Variants in PLEC observed in about 807,000 individuals in gnomAD.
PLEC encodes hemidesmosomal protein 1.
Under a neutral mutation model 392.8 loss-of-function variants are expected in PLEC, and 216 were observed. The observed-to-expected ratio is 0.55, with a 90% CI of 0.49 to 0.62. The LOEUF (loss-of-function observed/expected upper bound fraction) is 0.62. Ranked by LOEUF, PLEC falls within the 20% of genes least tolerant of loss-of-function variation. The pLI, the probability that PLEC is intolerant of heterozygous loss-of-function variation, is 0.00. For synonymous variants in PLEC, 3,621 were observed against 2,980.6 expected (o/e 1.21, Z -7.00); for missense variants, 6,863 against 6,563.4 (o/e 1.05, Z -1.58).
In PLEC at chr8:143,916,378, G is replaced by A. The variant is rs201825355; in HGVS notation, c.13443C>T (p.Ser4481=). The A allele has an allele frequency of 2.2e-5, 35 of 1,610,208 alleles. No individual in the cohort carries two copies. Among genetic ancestry groups the A allele is most frequent in the Admixed American group, 1.3e-4 (8 of 59,944 alleles). ...TKGYYSPYSV[S]GSGSTAGSRT... The stretch of plus-strand genomic sequence containing the variant: ...GGGAGCCAGCGGTAGAGCCGGAGCC[G>A]CTGACGCTGTAGGGGCTGTAGTAGC... The change falls in exon 32 of 32, where the codon AGC becomes AGT. Residue 4481 remains serine, a synonymous_variant. Transcript: ENST00000345136.
At chr8:143,952,213 C>A (rs1174307955), upstream of PLEC, among the ~76,000 whole-genome samples, 1 of 84,198 alleles carries the variant, frequency 1.2e-5, no homozygotes, top group Non-Finnish European at 2.6e-5. Context: ...CACACACGCG[C>A]GCACACACGC....
At chr8:143,944,086 G>A (rs782573053), upstream of PLEC, 10 of 733,306 alleles carry the variant, frequency 1.4e-5, no homozygotes, top group Middle Eastern at 7.9e-4. Context: ...TCCTCCCTCC[G>A]CGGGTCCGGC....
At position 143,932,418 on chromosome 8, in the gene PLEC, G is replaced by A; in HGVS notation, c.1959C>T (p.Ala653=). The A allele has an allele frequency of 5.0e-6, 8 of 1,612,916 alleles. No individual in the cohort carries two copies. The highest frequency in any genetic ancestry group is 6.8e-6 in the Non-Finnish European group (8 of 1,179,980). ...DWSDRNTNMT[A]KKESYSALMR... Reference sequence around the variant, plus strand: ...CGCTCACCGAGTAGCTCTCCTTCTTGGCGGTCATGTTGGTGTTGCGGTCGC... The same window carrying A: ...CGCTCACCGAGTAGCTCTCCTTCTTAGCGGTCATGTTGGTGTTGCGGTCGC... The change falls in exon 16 of 32, where the codon GCC becomes GCT. Residue 653 remains alanine, a synonymous_variant. Coordinates refer to ENST00000345136, the MANE Select transcript of PLEC (RefSeq NM_201384.3).
chr8:143,932,706 GCTGGCC>G lies in PLEC; in HGVS notation c.1738_1743del (p.Gly580_Gln581del). ...TAGGCACCCCGGGTGGCGGGGGAGA[GCTGGCC>G]CTGCAACAGATGAGACGGTGAGGTC... On this transcript the variant is annotated inframe_deletion and splice_region_variant, in exon 15 of 32. Transcript: ENST00000345136. 6.2e-7 allele frequency: 1 copy of G among 1,606,594 alleles called. No homozygotes were observed. The highest frequency in any genetic ancestry group is 1.3e-5 in the African/African-American group (1 of 74,694).
At chr8:143,971,272 A>G (rs549545545) in intron 1 of PLEC, among the ~76,000 whole-genome samples, 1 of 152,070 alleles carries the variant, frequency 6.6e-6, no homozygotes, top group Admixed American at 6.5e-5. Context: ...AAGCCAGAGC[A>G]CCTCCTCAGT....
chr8:143,974,054 C>T (rs1322835239), upstream of PLEC, among the ~76,000 whole-genome samples: 4 of 152,230 alleles, frequency 2.6e-5, no homozygotes, highest in African/African-American at 9.6e-5. This position sits in a 1 kb window ranked among gnomAD's most constrained non-coding sequence, Gnocchi z 5.9. Context: ...ATTGGCAAAG[C>T]CCCCGCTCTC....
chr8:143,935,899 G>A lies in PLEC; in HGVS notation c.551C>T (p.Thr184Ile), dbSNP rs532133063. ...GAGGCGGCCGTCTCTCCAGCTGGAG[G>A]TGAAGTTGTCGCATCGCAGGCCCTG... ...GYQGLRCDNF[T>I]SSWRDGRLFN... The change falls in exon 6 of 32, where the codon ACC (threonine) becomes ATC (isoleucine). Residue 184 changes from threonine to isoleucine, a missense_variant. Coordinates refer to ENST00000345136, the MANE Select transcript of PLEC (RefSeq NM_201384.3). 1.9e-6 allele frequency: 3 copies of A among 1,612,972 alleles called. No individual in the cohort carries two copies. The highest frequency in any genetic ancestry group is 1.7e-5 in the Admixed American group (1 of 60,008).
chr8:143,936,151 C>T, intron 5 of PLEC, 137 bp from the exon 6 acceptor site: 1 of 933,110 alleles, frequency 1.1e-6, no homozygotes, highest in Non-Finnish European at 1.7e-6. Context: ...GCCAGGGCAG[C>T]ACCGGGCTCC....
At chr8:143,976,195 G>C (rs1336983941), upstream of PLEC, among the ~76,000 whole-genome samples, 1 of 152,152 alleles carries the variant, frequency 6.6e-6, no homozygotes, top group Non-Finnish European at 1.5e-5. Context: ...GTGGGGGCGC[G>C]TACACCGGCA....
At chr8:143,967,765 G>A (rs1833187618) in intron 1 of PLEC, among the ~76,000 whole-genome samples, 1 of 151,924 alleles carries the variant, frequency 6.6e-6, no homozygotes, top group African/African-American at 2.4e-5. Context: ...CAATGCTTGT[G>A]AATAGGCAGT....
chr8:143,947,147 T>TA (rs2132645311), intron 1 of PLEC, among the ~76,000 whole-genome samples: 2 of 152,316 alleles, frequency 1.3e-5, no homozygotes, highest in East Asian at 3.9e-4. Context: ...GAGCACCCTG[T>TA]GGCTGGGAAG....
At chr8:143,945,423 C>T in intron 1 of PLEC, 1 of 307,206 alleles carries the variant, frequency 3.3e-6, no homozygotes, top group South Asian at 2.6e-5. Context: ...ACAGCATATC[C>T]TATGCAGATC....
upstream of PLEC, chr8:143,943,938 G>C: frequency 1.3e-6 from 2 of 1,589,170 alleles, no homozygotes; most frequent in Non-Finnish European, 8.5e-7. Context: ...GCTGGGAACC[G>C]GCTGCTCCAG....
At chr8:143,964,469 G>C (rs1554741656) in intron 1 of PLEC, among the ~76,000 whole-genome samples, 2 of 152,190 alleles carry the variant, frequency 1.3e-5, no homozygotes, top group African/African-American at 4.8e-5. Context: ...CGACACTGGA[G>C]TGATGCGGCC....
rs1829958595 is a variant in PLEC at position 143,939,381 on chromosome 8, C to T, written c.81G>A (p.Leu27=). The change falls in exon 1 of 32, where the codon CTG becomes CTA. Residue 27 remains leucine, a synonymous_variant. Transcript: ENST00000345136. ...KRTSSEDNLY[L]AVLRASEGKK... is the part of the protein sequence containing the mutation. Reference sequence around the variant, plus strand: ...TGCCCTCAGAGGCCCTGAGCACAGCCAGGTACAGGTTGTCCTCCGAGCTGG... The same window carrying T: ...TGCCCTCAGAGGCCCTGAGCACAGCTAGGTACAGGTTGTCCTCCGAGCTGG... The T allele has an allele frequency of 6.2e-7, 1 of 1,612,750 alleles. No homozygotes were observed. The highest frequency in any genetic ancestry group is 1.3e-5 in the African/African-American group (1 of 75,052).
rs782039716 is a variant in PLEC at position 143,925,031 on chromosome 8, C to A, written c.4898G>T (p.Arg1633Leu). The change falls in exon 31 of 32, where the codon CGC becomes CTC. Residue 1633 changes from arginine to leucine, a missense_variant. Physicochemically the swap from Arg to Leu is moderately radical, Grantham distance 102. Coordinates refer to ENST00000345136, the MANE Select transcript of PLEC (RefSeq NM_201384.3). ...CGCCTCGTTGGCCTTGAGCTGCCAG[C>A]GCTCCAGCTCCCGCTCTGCCTCCTC... is the stretch of plus-strand genomic sequence containing the variant. ...AREEAERELE[R>L]WQLKANEALR... 4.5e-6 allele frequency: 7 copies of A among 1,562,468 alleles called. No individual in the cohort carries two copies. In the African/African-American group the frequency reaches 8.1e-5, roughly 18 times the overall value.
upstream of PLEC, chr8:143,950,938 G>C (rs1016118816): frequency 2.4e-5 from 21 of 874,866 alleles, no homozygotes; most frequent in Non-Finnish European, 3.5e-5. Flanking sequence ...CCGGCTGCCC[G>C]CCTTCCTCCA....
At position 143,934,011 on chromosome 8, in the gene PLEC, G is replaced by GCGT; in HGVS notation, c.1247_1249dup (p.Asp416dup). On this transcript the variant is annotated inframe_insertion, in exon 12 of 32. Transcript: ENST00000345136. ...ACACCCCCTCACCGACTGCAGCAGG[G>GCGT]CGTCGGCCTGGTTCAGCTGCTCCTC... is the stretch of plus-strand genomic sequence containing the variant. 1 of 1,607,568 alleles carries GCGT rather than the reference G, an allele frequency of 6.2e-7. No individual in the cohort carries two copies. The highest frequency in any genetic ancestry group is 8.5e-7 in the Non-Finnish European group (1 of 1,178,930).
rs782650176 is a variant in PLEC, at chr8:143,916,371, C to T, written c.13450G>A (p.Gly4484Ser). 1.0e-4 allele frequency: 163 copies of T among 1,610,050 alleles called. 1 individual carries two copies. The highest frequency in any genetic ancestry group is 1.7e-4 in the Middle Eastern group (1 of 5,940). Residue 4484 changes from glycine (G) to serine (S), a missense_variant, in exon 32 of 32, where the codon GGC becomes AGC. Transcript: ENST00000345136. The stretch of plus-strand genomic sequence containing the variant: ...CCGGTGCGGGAGCCAGCGGTAGAGC[C>T]GGAGCCGCTGACGCTGTAGGGGCTG... Reference protein sequence around the residue: ...YYSPYSVSGSGSTAGSRTGSR... With the variant: ...YYSPYSVSGSSSTAGSRTGSR...
Sources: gnomAD v4.1 joint callset for allele counts (sites outside exome capture counted in the v4.1 genomes callset) on GRCh38, gnomAD v4.1.1 for gene constraint, Gnocchi (gnomAD v3.1) non-coding constraint, MANE v1.5 for transcripts, NCBI Gene and HGNC (gene_info 2026-07-23, HGNC 2026-07-21) for gene names.